Variants in ANKRD44 observed in about 807,000 individuals in gnomAD.
ANKRD44 encodes ankyrin repeat domain 44.
ANKRD44 carries 35 observed loss-of-function variants against 116.0 expected under a neutral mutation model. The ratio of observed to expected loss-of-function variants is 0.30; its 90% CI spans 0.23 to 0.40. The LOEUF (loss-of-function observed/expected upper bound fraction) is 0.40. ANKRD44 is among the 10% of genes least tolerant of loss of function. The pLI, the probability that ANKRD44 is intolerant of heterozygous loss-of-function variation, is 1.00. For synonymous variants in ANKRD44, 435 were observed against 461.8 expected (o/e 0.94, Z 0.74); for missense variants, 1,014 against 1,242.6 (o/e 0.82, Z 2.77).
chr2:196,998,280 A>T, intron 25 of ANKRD44, 57 bp downstream of exon 25: 1 of 1,304,010 alleles, frequency 7.7e-7, no homozygotes, highest in Non-Finnish European at 1.1e-6. Flanking sequence ...TTTCAGTGTT[A>T]TTATTACTGT....
At position 196,979,554 on chromosome 2, in the gene ANKRD44, C is replaced by CTTTTTTTTTTTTTTTTTTT. The variant is rs71012942; in HGVS notation, c.2369-12127_2369-12109dup. ...CAGCCTGAGTAATTTAATAAGATGA[C>CTTTTTTTTTTTTTTTTTTT]TTTTTTTTTTTTTTTTTTTTTTTTT... On this transcript the variant is annotated intron_variant, in intron 21 of 21. Transcript: ENST00000424317. Among the ~76,000 whole-genome samples, 102 of 59,644 alleles carry CTTTTTTTTTTTTTTTTTTT rather than the reference C, an allele frequency of 1.7e-3. 5 individuals carry two copies. Among genetic ancestry groups the CTTTTTTTTTTTTTTTTTTT allele is most frequent in the Admixed American group, 2.4e-3 (10 of 4,106 alleles). 39.1% of individuals were successfully genotyped at this position (59,644 alleles called of 152,430 possible). A position where few individuals can be genotyped will look rare whatever the true frequency, so the allele number is the denominator to read the frequency against.
At chr2:197,009,128 T>C (rs2076252024) in intron 18 of ANKRD44, 97 bp from the exon 19 acceptor site, 1 of 996,856 alleles carries the variant, frequency 1.0e-6, no homozygotes, top group South Asian at 1.4e-5. Context: ...AGTCTTGCTC[T>C]GTCGCCAGGC....
At position 196,977,436 on chromosome 2, in the gene ANKRD44, T is replaced by C. The variant is rs185818696; in HGVS notation, c.2369-9990A>G. 5.9e-5 allele frequency among the ~76,000 whole-genome samples: 9 copies of C among 152,308 alleles called. No individual in the cohort carries two copies. In the East Asian group the frequency reaches 1.7e-3, roughly 29 times the overall value. The stretch of plus-strand genomic sequence containing the variant: ...CGACCCATGGAATGGGAGAAAATAT[T>C]TGCAAATCCTGTATCTGATAAGGGA... On this transcript the variant is annotated intron_variant, in intron 21 of 21. Coordinates refer to the ANKRD44 transcript ENST00000424317.
rs114093404 is a variant in ANKRD44, at chr2:197,157,886, C to T, written c.112-10781G>A. Among the ~76,000 whole-genome samples, 655 of 152,268 alleles carry T rather than the reference C, an allele frequency of 4.3e-3. 3 individuals are homozygous for T. Among genetic ancestry groups the T allele is most frequent in the African/African-American group, 0.014 (600 of 41,542 alleles). On this transcript the variant is annotated intron_variant, in intron 2 of 27. Transcript: ENST00000282272. Reference sequence around the variant, plus strand: ...ATGGCAGCACTGGATTGACATAGAACCCTTGGGATCTTACCACTGTGCCCA... The same window carrying T: ...ATGGCAGCACTGGATTGACATAGAATCCTTGGGATCTTACCACTGTGCCCA...
chr2:197,181,794 T>A (rs929508093), intron 2 of ANKRD44, among the ~76,000 whole-genome samples: 1 of 152,248 alleles, frequency 6.6e-6, no homozygotes, highest in African/African-American at 2.4e-5. Context: ...TCTTTTGAGC[T>A]AACATCTTAT....
intron 16 of ANKRD44, among the ~76,000 whole-genome samples, chr2:197,071,161 A>G (rs1286505139): frequency 6.6e-6 from 1 of 152,000 alleles, no homozygotes; most frequent in Non-Finnish European, 1.5e-5. Flanking sequence ...AAAGAACCAG[A>G]TTTTTGTTTC....
At chr2:196,972,108 G>A (rs1217539354) in intron 21 of ANKRD44, among the ~76,000 whole-genome samples, 1 of 152,174 alleles carries the variant, frequency 6.6e-6, no homozygotes, top group Non-Finnish European at 1.5e-5. Context: ...GAGGAGGATA[G>A]GAGTAGGAAG....
intron 17 of ANKRD44, among the ~76,000 whole-genome samples, chr2:197,022,616 T>G (rs1260748470): frequency 1.3e-5 from 2 of 152,210 alleles, no homozygotes; most frequent in Admixed American, 6.5e-5. Context: ...CCAGGGACTT[T>G]GCACTTCTGC....
At chr2:197,263,141 C>G in intron 1 of ANKRD44, 1 of 480,924 alleles carries the variant, frequency 2.1e-6, no homozygotes, top group Non-Finnish European at 3.9e-6. Flanking sequence ...CGTCTCCACT[C>G]CCTCCTTGGT....
At position 197,212,965 on chromosome 2, in the gene ANKRD44, C is replaced by T. The variant is rs541409657; in HGVS notation, c.28-25859G>A. Among the ~76,000 whole-genome samples the T allele has an allele frequency of 3.9e-5, 6 of 152,322 alleles. No individual in the cohort carries two copies. The highest frequency in any genetic ancestry group is 1.4e-4 in the African/African-American group (6 of 41,572). ...TGTTTAAAGAAACATATTTTTCATA[C>T]AAGTTGGCCCCTAAATGCAAGCCAA... is the stretch of plus-strand genomic sequence containing the variant. On this transcript the variant is annotated intron_variant, in intron 1 of 27. Transcript: ENST00000282272. This position sits in a 1 kb window ranked among gnomAD's most constrained non-coding sequence, Gnocchi z 4.8.
rs187647564 is a variant in ANKRD44 at position 197,213,198 on chromosome 2, G to C, written c.28-26092C>G. 7.9e-5 allele frequency among the ~76,000 whole-genome samples: 12 copies of C among 152,290 alleles called. No individual in the cohort carries two copies. The East Asian group carries it at 2.3e-3, about 29-fold the overall frequency. ...AGCGAGCTATGACCCCTCTAACACA[G>C]TCTGGTATATCACCCAAACAAGGTT... is the stretch of plus-strand genomic sequence containing the variant. On this transcript the variant is annotated intron_variant, in intron 1 of 27. Transcript: ENST00000282272.
intron 3 of ANKRD44, among the ~76,000 whole-genome samples, chr2:197,138,008 A>T (rs2079261759): frequency 6.6e-6 from 1 of 152,192 alleles, no homozygotes; most frequent in Admixed American, 6.5e-5. Context: ...TTGGAAGGAC[A>T]GTGGGATTCA....
In ANKRD44 at chr2:197,269,795, G is replaced by A. The variant is rs542886782; in HGVS notation, c.27+40783C>T. On this transcript the variant is annotated intron_variant, in intron 1 of 27. Transcript: ENST00000282272. Reference sequence around the variant, plus strand: ...ACCAATTAACCTCAGTGTGCAAAATGGGTACAGGAGGCTTCGGAGAGACAG... The same window carrying A: ...ACCAATTAACCTCAGTGTGCAAAATAGGTACAGGAGGCTTCGGAGAGACAG... Among the ~76,000 whole-genome samples the A allele has an allele frequency of 1.1e-3, 166 of 152,272 alleles. 3 individuals carry two copies. The highest frequency in any genetic ancestry group is 3.8e-3 in the African/African-American group (158 of 41,552).
At chr2:197,281,881 T>C (rs190699170) in intron 1 of ANKRD44, among the ~76,000 whole-genome samples, 12 of 152,308 alleles carry the variant, frequency 7.9e-5, no homozygotes, top group African/African-American at 2.9e-4. Context: ...GAACTTTTTA[T>C]ATTGTGAGGC....
chr2:197,288,657 TAC>T (rs1559222714), intron 1 of ANKRD44, among the ~76,000 whole-genome samples: 1 of 151,982 alleles, frequency 6.6e-6, no homozygotes, highest in African/African-American at 2.4e-5. Context: ...TATATATATA[TAC>T]ACATATACAC....
intron 16 of ANKRD44, among the ~76,000 whole-genome samples, chr2:197,040,822 T>C (rs1199703765): frequency 6.6e-6 from 1 of 152,222 alleles, no homozygotes; most frequent in Non-Finnish European, 1.5e-5. Context: ...CTACTATTAC[T>C]ATATTAAAGT....
downstream of ANKRD44, among the ~76,000 whole-genome samples, chr2:196,983,365 T>C (rs1287260637): frequency 2.0e-5 from 3 of 152,120 alleles, no homozygotes; most frequent in Non-Finnish European, 4.4e-5. Context: ...CACCCTCCCT[T>C]TCCCTTGAGT....
chr2:196,990,915 G>A (rs1186442399), intron 27 of ANKRD44: 7 of 1,232,384 alleles, frequency 5.7e-6, no homozygotes, highest in Non-Finnish European at 7.1e-6. Context: ...GCAAGCCAGG[G>A]CCGGGGTATG....
chr2:197,163,861 C>G (rs1249392798), intron 2 of ANKRD44, among the ~76,000 whole-genome samples: 4 of 152,184 alleles, frequency 2.6e-5, no homozygotes, highest in Admixed American at 6.5e-5. Flanking sequence ...CTCCTGACTT[C>G]AGGTAATCCG....
Sources: gnomAD v4.1 joint callset for allele counts (sites outside exome capture counted in the v4.1 genomes callset) on GRCh38, gnomAD v4.1.1 for gene constraint, Gnocchi (gnomAD v3.1) non-coding constraint, MANE v1.5 for transcripts, NCBI Gene and HGNC (gene_info 2026-07-23, HGNC 2026-07-21) for gene names.